GRAMD1B: variants seen among roughly 807,000 people sequenced by gnomAD.
GRAMD1B encodes GRAM domain containing 1B.
Under a neutral mutation model 99.7 loss-of-function variants are expected in GRAMD1B, and 37 were observed. That is an observed-to-expected ratio of 0.37 (90% CI 0.29 to 0.49). The LOEUF is 0.49. Among genes scored for constraint, GRAMD1B ranks in the 20% least tolerant of loss-of-function variants. The pLI, the probability that GRAMD1B is intolerant of heterozygous loss-of-function variation, is 0.98. For missense variants in GRAMD1B, 888 were observed against 1,009.2 expected (o/e 0.88, Z 1.63); for synonymous variants, 427 against 387.6 (o/e 1.10, Z -1.19).
intron 2 of GRAMD1B, among the ~76,000 whole-genome samples, chr11:123,575,429 T>C (rs1279484359): frequency 6.6e-6 from 1 of 152,190 alleles, no homozygotes; most frequent in Non-Finnish European, 1.5e-5. Flanking sequence ...ATGATCCTCC[T>C]GCCTCAGTCT....
chr11:123,610,135 G>A lies in GRAMD1B; in HGVS notation c.1777-61G>A. ...GGTGGGCTTGGGGAGGCTGGAGAAGGTGCTTTTCCAAGCTTCTTGCTCCTC... is the reference window on the plus strand; with the variant it reads ...GGTGGGCTTGGGGAGGCTGGAGAAGATGCTTTTCCAAGCTTCTTGCTCCTC... On this transcript the variant is annotated intron_variant, in intron 13 of 19. Transcript: ENST00000635736. The surrounding 1 kb of genome is among the most constrained non-coding windows in gnomAD (Gnocchi z 4.1). 1.3e-6 allele frequency: 2 copies of A among 1,559,218 alleles called. No individual in the cohort carries two copies. The highest frequency in any genetic ancestry group is 1.1e-5 in the South Asian group (1 of 88,264).
chr11:123,457,676 T>C (rs1950220936), intron 1 of GRAMD1B, among the ~76,000 whole-genome samples: 1 of 152,216 alleles, frequency 6.6e-6, no homozygotes, highest in South Asian at 2.1e-4. Flanking sequence ...CTGGTGCTAT[T>C]GCTCCACTGT....
chr11:123,544,937 G>A (rs981257638), intron 2 of GRAMD1B, among the ~76,000 whole-genome samples: 12 of 152,230 alleles, frequency 7.9e-5, no homozygotes, highest in Non-Finnish European at 1.2e-4. Flanking sequence ...CTGGCGATGG[G>A]AGATAGGGGC....
At chr11:123,430,090 G>C (rs182081769), upstream of GRAMD1B, among the ~76,000 whole-genome samples, 58 of 152,140 alleles carry the variant, frequency 3.8e-4, no homozygotes, top group African/African-American at 1.2e-3. Context: ...ATTTCAGTAG[G>C]CTGATTGGAG....
chr11:123,443,357 A>G lies in GRAMD1B; in HGVS notation c.374+12191A>G, dbSNP rs1046529776. On this transcript the variant is annotated intron_variant, in intron 1 of 19. Coordinates refer to ENST00000635736, the MANE Select transcript of GRAMD1B (RefSeq NM_001387025.1). ...TATTCTGAGCCAAATACAAGTGACT[A>G]TGGCCCAAGGCACAGTCCAAGGCAT... Among the ~76,000 whole-genome samples, 7 of 152,220 alleles carry G rather than the reference A, an allele frequency of 4.6e-5. 1 individual carries two copies.
chr11:123,520,888 C>T (rs932128776), intron 2 of GRAMD1B, among the ~76,000 whole-genome samples: 2 of 152,004 alleles, frequency 1.3e-5, no homozygotes, highest in Non-Finnish European at 2.9e-5. Context: ...GAGTACCTCT[C>T]ACCTGTTCTG....
chr11:123,607,982 A>T, intron 11 of GRAMD1B: 1 of 154,526 alleles, frequency 6.5e-6, no homozygotes, highest in South Asian at 2.0e-4. Context: ...CTGAGACTGA[A>T]GGAAGCTCCA....
rs1951724018 is a variant in GRAMD1B at position 123,483,459 on chromosome 11, T to A, written c.452+2566T>A. On this transcript the variant is annotated intron_variant, in intron 2 of 19. Coordinates refer to ENST00000635736, the MANE Select transcript of GRAMD1B (RefSeq NM_001387025.1). ...TGAAGTGCAGTGGCGTGATCTCAAC[T>A]CACTCCAACCTCTGCCTCTAGGGTT... Among the ~76,000 whole-genome samples, 12 of 149,582 alleles carry A rather than the reference T, an allele frequency of 8.0e-5. 1 individual carries two copies. In the South Asian group the frequency reaches 2.6e-3, roughly 33 times the overall value.
intron 3 of GRAMD1B, chr11:123,578,357 TC>T: frequency 1.4e-6 from 2 of 1,419,926 alleles, no homozygotes; most frequent in Non-Finnish European, 1.9e-6. Context: ...GTTCTTCCTC[TC>T]CTCTTCTTCC....
Position 123,622,043 on chromosome 11 carries a change from CAGGGTCT to C in GRAMD1B, c.2545-462_2545-456del, listed in dbSNP as rs898717004. ...TCTGTCTCTCTCTCTTTTTAAAAGG[CAGGGTCT>C]TGCTCTGTTGCCCAGGCTGGAGTGC... On this transcript the variant is annotated intron_variant, in intron 19 of 19. Coordinates refer to ENST00000635736, the MANE Select transcript of GRAMD1B (RefSeq NM_001387025.1). 4.6e-5 allele frequency among the ~76,000 whole-genome samples: 7 copies of C among 151,090 alleles called. No homozygotes were observed. In the Admixed American group the frequency reaches 4.6e-4, roughly 10 times the overall value.
At chr11:123,600,604 T>G in intron 8 of GRAMD1B, 56 bp downstream of exon 8, 2 of 1,101,066 alleles carry the variant, frequency 1.8e-6, no homozygotes, top group Non-Finnish European at 2.8e-6. Flanking sequence ...AGAGAAGCCT[T>G]TGTCTCCTCA....
chr11:123,513,578 T>TTTCC (rs779709381), intron 2 of GRAMD1B, among the ~76,000 whole-genome samples: 1,228 of 41,652 alleles, frequency 0.029, 53 homozygotes, highest in Middle Eastern at 0.044. Context: ...CCTTCCTTCC[T>TTTCC]TTCCTTCCTT....
intron 14 of GRAMD1B, among the ~76,000 whole-genome samples, chr11:123,611,568 C>G (rs1416834137): frequency 6.6e-6 from 1 of 152,102 alleles, no homozygotes; most frequent in African/African-American, 2.4e-5. Flanking sequence ...ATTTCCCTTC[C>G]TTCTCTCTCC....
intron 2 of GRAMD1B, among the ~76,000 whole-genome samples, chr11:123,495,678 C>CTTTTTTTTTTTTTTTTTTTTTTCTT (rs556302274): frequency 8.7e-6 from 1 of 114,410 alleles, no homozygotes; most frequent in Non-Finnish European, 1.9e-5. Flanking sequence ...CTTTCTTCTT[C>CTTTTTTTTTTTTTTTTTTTTTTCTT]TTTTTTTTTT....
chr11:123,473,954 C>T (rs1224683295), intron 1 of GRAMD1B, among the ~76,000 whole-genome samples: 1 of 152,200 alleles, frequency 6.6e-6, no homozygotes, highest in Non-Finnish European at 1.5e-5. Context: ...ACCTTTCCTA[C>T]TTAAGCTGAA....
At chr11:123,440,536 A>G (rs571685944) in intron 1 of GRAMD1B, among the ~76,000 whole-genome samples, 2 of 152,196 alleles carry the variant, frequency 1.3e-5, no homozygotes, top group Non-Finnish European at 2.9e-5. Context: ...AGCATATTGT[A>G]TCTAATAAAA....
chr11:123,452,328 T>C (rs1215046384), intron 1 of GRAMD1B, among the ~76,000 whole-genome samples: 2 of 152,182 alleles, frequency 1.3e-5, no homozygotes, highest in Non-Finnish European at 2.9e-5. Flanking sequence ...AGCCAGATCT[T>C]GTGAAGGACA....
At chr11:123,531,702 G>A (rs1029969315) in intron 2 of GRAMD1B, among the ~76,000 whole-genome samples, 2 of 150,688 alleles carry the variant, frequency 1.3e-5, no homozygotes, top group East Asian at 1.9e-4. Flanking sequence ...AAGGTGAAAG[G>A]ATGTGACGGA....
intron 3 of GRAMD1B, among the ~76,000 whole-genome samples, chr11:123,582,389 A>G (rs1318785837): frequency 6.6e-6 from 1 of 152,174 alleles, no homozygotes; most frequent in African/African-American, 2.4e-5. Flanking sequence ...AGGAAAAAAT[A>G]GTTTTTAATA....
Sources: allele counts gnomAD v4.1 joint callset (sites outside exome capture counted in the v4.1 genomes callset), GRCh38; gene constraint gnomAD v4.1.1; non-coding constraint Gnocchi (gnomAD v3.1); transcripts MANE v1.5; gene names NCBI Gene and HGNC (gene_info 2026-07-23, HGNC 2026-07-21).